CDKL1: variants seen among roughly 807,000 people sequenced by gnomAD.
CDKL1 encodes cyclin-dependent kinase-like 1.
A neutral mutation model predicts 42.0 loss-of-function variants in CDKL1; 41 were observed. The ratio of observed to expected loss-of-function variants is 0.98; its 90% CI spans 0.76 to 1.27. The LOEUF is 1.27. Among genes scored for constraint, CDKL1 ranks in the 50% most tolerant of loss-of-function variants. The probability of loss-of-function intolerance (pLI) is 0.00; values close to 1 mark genes in which losing one functional copy is unlikely to be tolerated. For missense variants in CDKL1, 394 were observed against 428.4 expected, an observed-to-expected ratio of 0.92 and a Z score of 0.71; for synonymous variants, 153 against 158.6, an observed-to-expected ratio of 0.96 and a Z score of 0.26.
At chr14:50,334,894 C>G in intron 7 of CDKL1, 1 of 268,162 alleles carries the variant, frequency 3.7e-6, no homozygotes, top group South Asian at 1.2e-4. Flanking sequence ...AATAAAAATA[C>G]TAATGAAAAA....
At chr14:50,360,870 A>G (rs1266313283) in intron 2 of CDKL1, among the ~76,000 whole-genome samples, 2 of 151,574 alleles carry the variant, frequency 1.3e-5, no homozygotes, top group East Asian at 3.9e-4. Context: ...GGCTCACCCA[A>G]GTGGTAGCAA....
At chr14:50,360,136 A>G (rs115627643) in intron 2 of CDKL1, among the ~76,000 whole-genome samples, 124 of 152,282 alleles carry the variant, frequency 8.1e-4, no homozygotes, top group African/African-American at 2.9e-3. Flanking sequence ...ATAATTTTCC[A>G]TAAGAATTTT....
At chr14:50,349,950 G>A (rs952074626) in intron 3 of CDKL1, among the ~76,000 whole-genome samples, 1 of 152,162 alleles carries the variant, frequency 6.6e-6, no homozygotes, top group African/African-American at 2.4e-5. Flanking sequence ...TGTATTTTTA[G>A]TAGAGATGGG....
chr14:50,349,966 G>A (rs534760829), intron 3 of CDKL1, among the ~76,000 whole-genome samples: 39 of 152,226 alleles, frequency 2.6e-4, no homozygotes, highest in East Asian at 2.1e-3. Flanking sequence ...ATGGGGTTTC[G>A]CCACGTTGGC....
intron 2 of CDKL1, among the ~76,000 whole-genome samples, chr14:50,386,916 G>A (rs2035097496): frequency 6.6e-6 from 1 of 151,952 alleles, no homozygotes; most frequent in Non-Finnish European, 1.5e-5. Context: ...AATCCCAGCT[G>A]CTCAAGAGAC....
chr14:50,367,043 C>T (rs538693264), intron 2 of CDKL1, among the ~76,000 whole-genome samples: 2 of 152,110 alleles, frequency 1.3e-5, no homozygotes, highest in East Asian at 1.9e-4. Context: ...CCCGAAGGAG[C>T]GAGAGTGAGA....
chr14:50,340,568 C>T (rs2033478381), intron 6 of CDKL1, among the ~76,000 whole-genome samples: 1 of 152,144 alleles, frequency 6.6e-6, no homozygotes, highest in Non-Finnish European at 1.5e-5. Flanking sequence ...AGTGACATTA[C>T]AACTAGCTTT....
intron 2 of CDKL1, among the ~76,000 whole-genome samples, chr14:50,394,935 G>A (rs1595387180): frequency 6.6e-6 from 1 of 152,050 alleles, no homozygotes; most frequent in Non-Finnish European, 1.5e-5. Context: ...CCAGGAACTC[G>A]AGACCAGCCT....
At chr14:50,344,468 GTT>G (rs138592023) in intron 4 of CDKL1, among the ~76,000 whole-genome samples, 55,293 of 130,838 alleles carry the variant, frequency 0.42, 11,570 homozygotes, top group East Asian at 0.77. Flanking sequence ...GTTCTTTGTG[GTT>G]TTTTTTTTTT....
chr14:50,377,459 C>G (rs948448592), intron 2 of CDKL1: 1 of 596,444 alleles, frequency 1.7e-6, no homozygotes, highest in African/African-American at 2.0e-5. Flanking sequence ...TCTGGTATCA[C>G]TTCCCAAAAT....
chr14:50,379,145 C>A (rs2034830238), intron 2 of CDKL1, among the ~76,000 whole-genome samples: 1 of 152,196 alleles, frequency 6.6e-6, no homozygotes, highest in Non-Finnish European at 1.5e-5. Flanking sequence ...AGCCACAGCA[C>A]ACAGGAGACA....
chr14:50,351,417 T>G (rs1353043706), intron 3 of CDKL1, among the ~76,000 whole-genome samples: 1 of 151,354 alleles, frequency 6.6e-6, no homozygotes, highest in African/African-American at 2.4e-5. Flanking sequence ...CCTGTGAAAA[T>G]GTACATTGAG....
chr14:50,396,986 A>T, upstream of CDKL1: 1 of 929,856 alleles, frequency 1.1e-6, no homozygotes, highest in Non-Finnish European at 1.4e-6. Context: ...GGCCCGGCCC[A>T]GCCCGGCCGC....
At chr14:50,357,408 G>A (rs1177367435) in intron 3 of CDKL1, 2 of 152,214 alleles carry the variant, frequency 1.3e-5, no homozygotes, top group East Asian at 1.9e-4. Context: ...CCACTGAAGT[G>A]TGAATGGGAG....
chr14:50,369,887 G>A (rs2034542326), intron 2 of CDKL1, among the ~76,000 whole-genome samples: 1 of 152,050 alleles, frequency 6.6e-6, no homozygotes. Context: ...CCAAAGTGCT[G>A]GGATTACAGG....
intron 7 of CDKL1, among the ~76,000 whole-genome samples, chr14:50,337,681 CT>C (rs71118872): frequency 0.037 from 4,959 of 133,512 alleles, 228 homozygotes; most frequent in African/African-American, 0.12. Context: ...TTTTTTCTTT[CT>C]TTTTTTTTTT....
chr14:50,375,995 TCACAGCCAAGAGGAGGCTGCGGA>T (rs1335207735), intron 2 of CDKL1, among the ~76,000 whole-genome samples: 6 of 152,090 alleles, frequency 3.9e-5, no homozygotes, highest in Non-Finnish European at 5.9e-5. Context: ...TGAGAAACTG[TCACAGCCAAGAGGAGGCTGCGGA>T]CACAGCCTCC....
intron 2 of CDKL1, among the ~76,000 whole-genome samples, chr14:50,366,439 G>T (rs1426180820): frequency 1.3e-5 from 2 of 152,152 alleles, no homozygotes; most frequent in Admixed American, 6.5e-5. Context: ...GTGGAATCAA[G>T]GCCAGCCAGT....
chr14:50,341,766 G>C (rs1189954356), intron 5 of CDKL1, among the ~76,000 whole-genome samples: 1 of 143,152 alleles, frequency 7.0e-6, no homozygotes, highest in Non-Finnish European at 1.5e-5. Context: ...GGGCAACAGA[G>C]TGAGACCCTG....
Sources: allele counts gnomAD v4.1 joint callset (sites outside exome capture counted in the v4.1 genomes callset), GRCh38; gene constraint gnomAD v4.1.1; transcripts MANE v1.5; gene names NCBI Gene and HGNC (gene_info 2026-07-23, HGNC 2026-07-21).